Variants in KCNIP4 observed in about 807,000 individuals in gnomAD.
KCNIP4 encodes the protein potassium voltage-gated channel interacting protein 4.
A neutral mutation model predicts 34.0 loss-of-function variants in KCNIP4; 12 were observed. That is an observed-to-expected ratio of 0.35 (90% CI 0.23 to 0.57). The LOEUF (loss-of-function observed/expected upper bound fraction) is 0.57, where lower values mean the gene tolerates loss of function less well. Among genes scored for constraint, KCNIP4 ranks in the 20% least tolerant of loss-of-function variants. The probability of loss-of-function intolerance (pLI) is 0.83; values close to 1 mark genes in which losing one functional copy is unlikely to be tolerated. For missense variants in KCNIP4, 238 were observed against 311.7 expected (o/e 0.76, Z 1.78); for synonymous variants, 124 against 102.2 (o/e 1.21, Z -1.29).
At chr4:21,140,664 C>T (rs1191626274) in intron 1 of KCNIP4, among the ~76,000 whole-genome samples, 2 of 152,198 alleles carry the variant, frequency 1.3e-5, no homozygotes, top group African/African-American at 4.8e-5. Context: ...CTGCAGGCTG[C>T]TTTCCAATGC....
At chr4:21,229,909 A>G (rs1758673013) in intron 1 of KCNIP4, among the ~76,000 whole-genome samples, 1 of 152,100 alleles carries the variant, frequency 6.6e-6, no homozygotes, top group South Asian at 2.1e-4. Context: ...CATTTAACCA[A>G]CCAGAATTTC....
intron 1 of KCNIP4, among the ~76,000 whole-genome samples, chr4:20,934,048 T>C (rs1217697314): frequency 6.6e-6 from 1 of 152,166 alleles, no homozygotes; most frequent in Non-Finnish European, 1.5e-5. Context: ...CAAGTAAGTA[T>C]GAAAGCATGC....
chr4:20,796,604 CTTTT>C (rs34624781), intron 3 of KCNIP4, among the ~76,000 whole-genome samples: 2 of 140,672 alleles, frequency 1.4e-5, no homozygotes. Flanking sequence ...ATTTTTATTG[CTTTT>C]TTTTTTTTTT....
At chr4:21,584,739 C>A (rs1348735736) in intron 1 of KCNIP4, among the ~76,000 whole-genome samples, 6 of 152,178 alleles carry the variant, frequency 3.9e-5, no homozygotes, top group African/African-American at 1.4e-4. Flanking sequence ...AGCTTGATTT[C>A]TTTCCACTAC....
At chr4:20,971,710 T>C (rs1350025940) in intron 1 of KCNIP4, among the ~76,000 whole-genome samples, 1 of 152,172 alleles carries the variant, frequency 6.6e-6, no homozygotes, top group Non-Finnish European at 1.5e-5. Flanking sequence ...CTGATCAAGG[T>C]GATAGTTGCT....
chr4:21,544,445 C>T (rs937463369), intron 1 of KCNIP4: 1 of 152,192 alleles, frequency 6.6e-6, no homozygotes, highest in African/African-American at 2.4e-5. Context: ...CTGAGAATCT[C>T]ACAGGCTGAA....
chr4:21,148,555 TA>T (rs1310589734), intron 1 of KCNIP4, among the ~76,000 whole-genome samples: 1 of 152,068 alleles, frequency 6.6e-6, no homozygotes, highest in Non-Finnish European at 1.5e-5. Context: ...TTTATTAATT[TA>T]AAAAATATTT....
intron 1 of KCNIP4, among the ~76,000 whole-genome samples, chr4:21,733,332 A>C (rs1715747960): frequency 6.6e-6 from 1 of 152,226 alleles, no homozygotes; most frequent in South Asian, 2.1e-4. Flanking sequence ...ATACAGATAT[A>C]CTACTGGGAG....
intron 1 of KCNIP4, among the ~76,000 whole-genome samples, chr4:20,945,831 T>A (rs1300748461): frequency 6.6e-6 from 1 of 152,186 alleles, no homozygotes; most frequent in East Asian, 1.9e-4. Context: ...GATGTTCGAT[T>A]TGGGGACATG....
chr4:21,090,882 C>A (rs867581920), intron 1 of KCNIP4, among the ~76,000 whole-genome samples: 2 of 152,150 alleles, frequency 1.3e-5, no homozygotes, highest in Middle Eastern at 3.4e-3. Context: ...ACTAAATTTA[C>A]AAAGAATACA....
chr4:21,773,763 G>T (rs561420491), intron 1 of KCNIP4, among the ~76,000 whole-genome samples: 14,737 of 137,266 alleles, frequency 0.11, 2,893 homozygotes, highest in African/African-American at 0.43. Flanking sequence ...TTTTTTGTTT[G>T]TTTGTTTTTG....
chr4:20,750,699 T>G (rs189340216), intron 4 of KCNIP4, among the ~76,000 whole-genome samples: 1 of 152,328 alleles, frequency 6.6e-6, no homozygotes, highest in African/African-American at 2.4e-5. Flanking sequence ...TCCTTAGGGT[T>G]TCTTTGCTTG....
At chr4:21,593,563 T>C (rs1742390536) in intron 1 of KCNIP4, among the ~76,000 whole-genome samples, 1 of 152,054 alleles carries the variant, frequency 6.6e-6, no homozygotes, top group Non-Finnish European at 1.5e-5. Flanking sequence ...CTCATTACCT[T>C]CTCCAGCTGT....
At chr4:21,894,845 C>T (rs2109408726) in intron 1 of KCNIP4, among the ~76,000 whole-genome samples, 1 of 152,288 alleles carries the variant, frequency 6.6e-6, no homozygotes, top group African/African-American at 2.4e-5. Flanking sequence ...AGAGAAAATG[C>T]TGAGTTAAAT....
rs747961833 is a variant in KCNIP4, at chr4:21,323,144, G to GTATATATATATATA, written c.62-440449_62-440436dup. Among the ~76,000 whole-genome samples the GTATATATATATATA allele has an allele frequency of 4.2e-3, 326 of 77,812 alleles. 5 individuals carry two copies. The highest frequency in any genetic ancestry group is 0.018 in the African/African-American group (315 of 17,984). The allele number at this position is 77,812 out of a possible 152,430, so 51.0% of individuals were successfully genotyped here. ...CTGAAAAATGGCATCTCTTTTGTAAGTATATATATATATATATATGTATAT... is the reference window on the plus strand; with the variant it reads ...CTGAAAAATGGCATCTCTTTTGTAAGTATATATATATATATATATATATATATATATATGTATAT... On this transcript the variant is annotated intron_variant, in intron 1 of 8. Transcript: ENST00000382152.
chr4:20,976,131 C>A (rs1577470476), intron 1 of KCNIP4, among the ~76,000 whole-genome samples: 1 of 152,132 alleles, frequency 6.6e-6, no homozygotes, highest in Non-Finnish European at 1.5e-5. Context: ...ATGGGTTTGG[C>A]CTTTCCAACT....
chr4:21,942,915 C>T (rs756923326), intron 1 of KCNIP4, among the ~76,000 whole-genome samples: 9 of 151,164 alleles, frequency 6.0e-5, no homozygotes, highest in East Asian at 1.9e-4. Flanking sequence ...TCTGCCACCA[C>T]GCCCAGCTAA....
At chr4:21,536,823 C>A (rs903644251) in intron 1 of KCNIP4, among the ~76,000 whole-genome samples, 2 of 151,840 alleles carry the variant, frequency 1.3e-5, no homozygotes, top group African/African-American at 4.8e-5. Flanking sequence ...TTCTTATTAT[C>A]TCTATATTAA....
intron 1 of KCNIP4, among the ~76,000 whole-genome samples, chr4:21,758,128 A>T (rs1717789573): frequency 6.6e-6 from 1 of 152,222 alleles, no homozygotes; most frequent in Non-Finnish European, 1.5e-5. Flanking sequence ...TGATATTTAT[A>T]ATAAAAACAA....
Sources: allele counts gnomAD v4.1 joint callset (sites outside exome capture counted in the v4.1 genomes callset), GRCh38; gene constraint gnomAD v4.1.1; transcripts MANE v1.5; gene names NCBI Gene and HGNC (gene_info 2026-07-23, HGNC 2026-07-21).